The following MYO5B variants were observed in gnomAD, a reference collection of about 807,000 sequenced individuals.
MYO5B encodes the protein myosin VB.
In MYO5B, 143 loss-of-function variants were observed where a neutral mutation model predicts 229.3. That is an observed-to-expected ratio of 0.62 (90% confidence interval 0.54 to 0.72). The LOEUF is 0.72. Ranked by LOEUF, MYO5B falls within the 30% of genes least tolerant of loss-of-function variation. The pLI, the probability that MYO5B is intolerant of heterozygous loss-of-function variation, is 0.00. For synonymous variants in MYO5B, 918 were observed against 885.2 expected (o/e 1.04, Z -0.66); for missense variants, 2,321 against 2,331.0 (o/e 1.00, Z 0.09).
chr18:49,840,487 G>A (rs1473382197), intron 35 of MYO5B: 5 of 152,232 alleles, frequency 3.3e-5, no homozygotes, highest in Non-Finnish European at 5.9e-5. Context: ...TGTCAAAATT[G>A]GTTCTGGCAC....
intron 4 of MYO5B, among the ~76,000 whole-genome samples, chr18:50,022,686 T>C (rs1379593355): frequency 6.6e-6 from 1 of 152,208 alleles, no homozygotes; most frequent in Non-Finnish European, 1.5e-5. Context: ...GTTTAAGCAA[T>C]ATGAATTTTG....
intron 1 of MYO5B, among the ~76,000 whole-genome samples, chr18:50,135,268 C>CT (rs1361476448): frequency 7.2e-5 from 11 of 152,188 alleles, no homozygotes; most frequent in Non-Finnish European, 1.2e-4. Flanking sequence ...TCAAGAAAGC[C>CT]TGCTTGCTTT....
chr18:50,081,653 A>T (rs2031224236), intron 1 of MYO5B, among the ~76,000 whole-genome samples: 1 of 152,224 alleles, frequency 6.6e-6, no homozygotes, highest in Admixed American at 6.5e-5. Context: ...TCCTGGGACA[A>T]AAAGGCTTAT....
chr18:50,186,061 G>A (rs1361984032), intron 1 of MYO5B, among the ~76,000 whole-genome samples: 1 of 152,196 alleles, frequency 6.6e-6, no homozygotes, highest in African/African-American at 2.4e-5. Flanking sequence ...GAATATTTTA[G>A]CCAATATATA....
intron 1 of MYO5B, among the ~76,000 whole-genome samples, chr18:50,114,268 T>G (rs2031917943): frequency 6.6e-6 from 1 of 152,234 alleles, no homozygotes; most frequent in Admixed American, 6.5e-5. Context: ...GTTATAATAC[T>G]GAGTTTATGT....
intron 6 of MYO5B, 149 bp from the exon 7 acceptor site, chr18:49,990,669 C>T: frequency 1.4e-6 from 1 of 698,954 alleles, no homozygotes. Context: ...ACCTTCAATT[C>T]CCACTTTCCG....
chr18:50,039,655 A>G (rs2029947062), intron 3 of MYO5B, among the ~76,000 whole-genome samples: 1 of 152,330 alleles, frequency 6.6e-6, no homozygotes, highest in East Asian at 1.9e-4. Context: ...TAAGAAAATC[A>G]AATATAATTT....
chr18:49,921,805 G>T (rs1598884245), intron 17 of MYO5B, among the ~76,000 whole-genome samples: 1 of 152,184 alleles, frequency 6.6e-6, no homozygotes, highest in African/African-American at 2.4e-5. Context: ...CAGCCCTGTG[G>T]ATAATTCATC....
At chr18:50,104,930 G>T (rs1335294236) in intron 1 of MYO5B, among the ~76,000 whole-genome samples, 1 of 152,066 alleles carries the variant, frequency 6.6e-6, no homozygotes, top group Non-Finnish European at 1.5e-5. Context: ...CTTGTGGGCT[G>T]GCTGGTGCTC....
intron 1 of MYO5B, among the ~76,000 whole-genome samples, chr18:50,129,959 C>T (rs2032227949): frequency 6.6e-6 from 1 of 152,046 alleles, no homozygotes; most frequent in Non-Finnish European, 1.5e-5. Flanking sequence ...CAATGACCAC[C>T]GCCCCACCTC....
At chr18:50,134,891 G>A (rs1455284786) in intron 1 of MYO5B, among the ~76,000 whole-genome samples, 1 of 152,142 alleles carries the variant, frequency 6.6e-6, no homozygotes, top group Non-Finnish European at 1.5e-5. Context: ...AATGCCTACA[G>A]ACACTTACTC....
intron 1 of MYO5B, among the ~76,000 whole-genome samples, chr18:50,118,344 GC>G (rs2032000067): frequency 2.6e-5 from 4 of 152,060 alleles, no homozygotes; most frequent in Non-Finnish European, 5.9e-5. Flanking sequence ...AATGAGAGTT[GC>G]AGAAAGAGGT....
intron 1 of MYO5B, among the ~76,000 whole-genome samples, chr18:50,144,106 G>A (rs2032462355): frequency 6.6e-6 from 1 of 152,082 alleles, no homozygotes; most frequent in African/African-American, 2.4e-5. Context: ...AGAGACCAGA[G>A]GATCAAGGTA....
chr18:50,153,614 T>A (rs1177538293), intron 1 of MYO5B, among the ~76,000 whole-genome samples: 1 of 152,180 alleles, frequency 6.6e-6, no homozygotes, highest in African/African-American at 2.4e-5. Context: ...CACGCCTGGC[T>A]AATTTTTGTA....
rs77681154 is a variant in MYO5B, at chr18:49,909,156, T to C, written c.2203-2526A>G. 7.2e-5 allele frequency among the ~76,000 whole-genome samples: 11 copies of C among 152,344 alleles called. No individual in the cohort carries two copies. In the East Asian group the frequency reaches 1.9e-3, roughly 27 times the overall value. ...GCCCCTCTAAGTTAACACGCAGCTC[T>C]GTCAAGTCTTAGTTTCTCGATACAA... is the stretch of plus-strand genomic sequence containing the variant. On this transcript the variant is annotated intron_variant, in intron 18 of 39. Transcript: ENST00000285039.
At chr18:49,880,238 A>G in intron 23 of MYO5B, 133 bp downstream of exon 23, 1 of 829,616 alleles carries the variant, frequency 1.2e-6, no homozygotes, top group Non-Finnish European at 2.1e-6. Flanking sequence ...ATTATTCTTC[A>G]TCTTCTTCTA....
At chr18:49,886,511 G>A (rs762279893) in intron 22 of MYO5B, among the ~76,000 whole-genome samples, 3 of 152,064 alleles carry the variant, frequency 2.0e-5, no homozygotes, top group African/African-American at 7.2e-5. Flanking sequence ...AGGGACTCTC[G>A]GTATGGAGAG....
chr18:49,996,529 A>C (rs1568063725), intron 5 of MYO5B, among the ~76,000 whole-genome samples: 1 of 152,252 alleles, frequency 6.6e-6, no homozygotes, highest in African/African-American at 2.4e-5. Context: ...AAAAATGTAG[A>C]GTGAAAAGTT....
At chr18:49,933,134 G>A (rs542807644) in intron 16 of MYO5B, among the ~76,000 whole-genome samples, 1 of 152,270 alleles carries the variant, frequency 6.6e-6, no homozygotes, top group Admixed American at 6.5e-5. Flanking sequence ...TGGGCTGCAA[G>A]CTCCCTACCT....
Sources: gnomAD v4.1 joint callset for allele counts (sites outside exome capture counted in the v4.1 genomes callset) on GRCh38, gnomAD v4.1.1 for gene constraint, MANE v1.5 for transcripts, NCBI Gene and HGNC (gene_info 2026-07-23, HGNC 2026-07-21) for gene names.